CACUL1: variants seen among roughly 807,000 people sequenced by gnomAD.
CACUL1 encodes CDK2 associated cullin domain 1.
Under a neutral mutation model 45.2 loss-of-function variants are expected in CACUL1, and 13 were observed. The ratio of observed to expected loss-of-function variants is 0.29; its 90% CI spans 0.19 to 0.46. The LOEUF (loss-of-function observed/expected upper bound fraction) is 0.46. Among genes scored for constraint, CACUL1 ranks in the 20% least tolerant of loss-of-function variants. The pLI, the probability that CACUL1 is intolerant of heterozygous loss-of-function variation, is 1.00. For synonymous variants in CACUL1, 197 were observed against 174.2 expected (o/e 1.13, Z -1.03); for missense variants, 421 against 471.4 (o/e 0.89, Z 0.99).
At chr10:118,725,986 G>A (rs957464729) in intron 3 of CACUL1, among the ~76,000 whole-genome samples, 1 of 152,154 alleles carries the variant, frequency 6.6e-6, no homozygotes, top group African/African-American at 2.4e-5. Flanking sequence ...CCTTGACTGA[G>A]GCTGACGCCC....
intron 1 of CACUL1, among the ~76,000 whole-genome samples, chr10:118,735,329 T>C (rs1264498429): frequency 2.0e-5 from 3 of 152,232 alleles, no homozygotes; most frequent in Non-Finnish European, 2.9e-5. Flanking sequence ...GTAAGCATTA[T>C]GAATTCATAC....
At chr10:118,732,670 C>A (rs1845708375) in intron 1 of CACUL1, among the ~76,000 whole-genome samples, 1 of 152,168 alleles carries the variant, frequency 6.6e-6, no homozygotes. Flanking sequence ...GAGCTCCCCA[C>A]TGGTACTAAG....
intron 3 of CACUL1, among the ~76,000 whole-genome samples, chr10:118,722,080 C>CTTTTTTTTTTTTTTTTTT (rs11358147): frequency 7.1e-6 from 1 of 140,518 alleles, no homozygotes; most frequent in Non-Finnish European, 1.5e-5. Flanking sequence ...CAGAAACAAA[C>CTTTTTTTTTTTTTTTTTT]TTTTTTTTTT....
At chr10:118,700,640 C>T (rs1845369733) in intron 5 of CACUL1, among the ~76,000 whole-genome samples, 1 of 148,904 alleles carries the variant, frequency 6.7e-6, no homozygotes, top group Admixed American at 6.9e-5. Context: ...TGGCGTGAAC[C>T]CGAGAGGCAG....
rs532036116 is a variant in CACUL1, at chr10:118,712,227, G to A, written c.598-4640C>T. Among the ~76,000 whole-genome samples, 16 of 152,262 alleles carry A rather than the reference G, an allele frequency of 1.1e-4. No individual in the cohort carries two copies. In the South Asian group the frequency reaches 2.7e-3, roughly 26 times the overall value. Reference sequence around the variant, plus strand: ...CCTACTGGGCTCATTTTGCCCACTCGACCTGGCAGGCTGCGCTCGGCTCAT... The same window carrying A: ...CCTACTGGGCTCATTTTGCCCACTCAACCTGGCAGGCTGCGCTCGGCTCAT... On this transcript the variant is annotated intron_variant, in intron 3 of 8. Coordinates refer to ENST00000369151, the MANE Select transcript of CACUL1 (RefSeq NM_153810.5).
rs1288346175 is a variant in CACUL1, at chr10:118,682,687, G to C, written c.*3441C>G. 1 of 152,674 alleles carries C rather than the reference G, an allele frequency of 6.5e-6. No individual in the cohort carries two copies. The highest frequency in any genetic ancestry group is 1.5e-5 in the Non-Finnish European group (1 of 68,044). 9.5% of individuals were successfully genotyped at this position (152,674 alleles called of 1,614,324 possible). ...GGTGATGCTCATGCAAACTCTTCCT[G>C]AGGAATTTATGTGTGCAAATCTGCA... On this transcript the variant is annotated 3_prime_UTR_variant, in exon 9 of 9. Coordinates refer to ENST00000369151, the MANE Select transcript of CACUL1 (RefSeq NM_153810.5).
chr10:118,705,320 T>G (rs1845423140), intron 4 of CACUL1, among the ~76,000 whole-genome samples: 1 of 152,188 alleles, frequency 6.6e-6, no homozygotes. Flanking sequence ...TCTTTGAGAC[T>G]CTGTAGTTTA....
At chr10:118,734,844 CAA>C (rs1406165504) in intron 1 of CACUL1, among the ~76,000 whole-genome samples, 1 of 152,204 alleles carries the variant, frequency 6.6e-6, no homozygotes, top group African/African-American at 2.4e-5. Context: ...TAAAATGAAA[CAA>C]AGTCTGAAAC....
chr10:118,709,206 C>G (rs1368659782), intron 3 of CACUL1, among the ~76,000 whole-genome samples: 1 of 152,164 alleles, frequency 6.6e-6, no homozygotes, highest in East Asian at 1.9e-4. Context: ...TCATCCTTAT[C>G]TCCAACAGTG....
chr10:118,731,008 A>G (rs966983621), intron 1 of CACUL1, among the ~76,000 whole-genome samples: 2 of 152,204 alleles, frequency 1.3e-5, no homozygotes, highest in South Asian at 2.1e-4. Context: ...GATAAGCCCA[A>G]CAGAAAAGAA....
At chr10:118,736,074 A>AG (rs1175099156) in intron 1 of CACUL1, among the ~76,000 whole-genome samples, 1 of 152,196 alleles carries the variant, frequency 6.6e-6, no homozygotes. Flanking sequence ...CCTCCAGCAC[A>AG]GGGGGACGAC....
rs1229819750 is a variant in CACUL1, at chr10:118,691,393, C to G, written c.897G>C (p.Gln299His). The change falls in exon 7 of 9, where the codon CAG becomes CAC. Residue 299 changes from glutamine to histidine, a missense_variant. Gln to His is a conservative substitution (Grantham distance 24). Coordinates refer to ENST00000369151, the MANE Select transcript of CACUL1 (RefSeq NM_153810.5). ...GLYTLRPEWV[Q>H]MAPTLFSKFI... ...ATTTAGAAAATAGAGTTGGAGCCAT[C>G]TGAACCCACTCTGTGAGGAAAGGAA... 4 of 1,612,102 alleles carry G rather than the reference C, an allele frequency of 2.5e-6. No individual in the cohort carries two copies. Among genetic ancestry groups the G allele is most frequent in the African/African-American group, 2.7e-5 (2 of 74,850 alleles).
intron 1 of CACUL1, among the ~76,000 whole-genome samples, chr10:118,738,923 C>T (rs1024741887): frequency 3.3e-5 from 4 of 121,962 alleles, no homozygotes; most frequent in East Asian, 2.5e-4. Context: ...AAAGCCTGGG[C>T]GCTGTGGTTC....
chr10:118,744,264 T>C (rs958489762), intron 1 of CACUL1, among the ~76,000 whole-genome samples: 11 of 152,112 alleles, frequency 7.2e-5, no homozygotes, highest in African/African-American at 2.7e-4. Flanking sequence ...CGCATGCTTG[T>C]AGTCCCAGCC....
intron 1 of CACUL1, among the ~76,000 whole-genome samples, chr10:118,733,432 T>C (rs540706062): frequency 6.6e-6 from 1 of 152,358 alleles, no homozygotes; most frequent in East Asian, 1.9e-4. Flanking sequence ...AGTAACCTTA[T>C]ATGCTAGCTA....
At chr10:118,701,280 T>G (rs763186203) in intron 5 of CACUL1, 26 bp downstream of exon 5, 1 of 1,263,390 alleles carries the variant, frequency 7.9e-7, no homozygotes, top group Admixed American at 2.1e-5. Flanking sequence ...TAGTGTTATC[T>G]CACCCGTATA....
intron 6 of CACUL1, 33 bp from the exon 7 acceptor site, chr10:118,691,436 TC>T (rs1845264913): frequency 6.3e-7 from 1 of 1,578,034 alleles, no homozygotes; most frequent in Non-Finnish European, 8.7e-7. Flanking sequence ...ATTAAGGAAA[TC>T]ATATAAACAC....
intron 5 of CACUL1, among the ~76,000 whole-genome samples, chr10:118,699,364 C>T (rs558467832): frequency 7.1e-4 from 108 of 152,240 alleles, no homozygotes; most frequent in African/African-American, 2.5e-3. Context: ...TATTGAAAAC[C>T]GGACAACATG....
intron 4 of CACUL1, among the ~76,000 whole-genome samples, chr10:118,703,780 GTTATT>G (rs1564831015): frequency 6.6e-6 from 1 of 152,048 alleles, no homozygotes; most frequent in East Asian, 1.9e-4. Flanking sequence ...CGGAAAAAAA[GTTATT>G]TTATTTCTTA....
Sources: allele counts gnomAD v4.1 joint callset (sites outside exome capture counted in the v4.1 genomes callset), GRCh38; gene constraint gnomAD v4.1.1; transcripts MANE v1.5; gene names NCBI Gene and HGNC (gene_info 2026-07-23, HGNC 2026-07-21).